The following SHOC1 variants were observed in gnomAD, a reference collection of about 807,000 sequenced individuals.
SHOC1 encodes the protein shortage in chiasmata 1, also known as protein shortage in chiasmata 1 ortholog.
A neutral mutation model predicts 179.2 loss-of-function variants in SHOC1; 136 were observed. That is an observed-to-expected ratio of 0.76 (90% confidence interval 0.66 to 0.87). SHOC1 has a LOEUF of 0.87. Ranked by LOEUF, SHOC1 falls within the 40% of genes least tolerant of loss-of-function variation. The pLI is 0.00. For synonymous variants in SHOC1, 489 were observed against 586.6 expected (o/e 0.83, Z 2.41); for missense variants, 1,538 against 1,700.8 (o/e 0.90, Z 1.68).
chr9:111,715,365 G>A (rs1474712799), intron 16 of SHOC1, among the ~76,000 whole-genome samples: 2 of 152,090 alleles, frequency 1.3e-5, no homozygotes, highest in African/African-American at 4.8e-5. Context: ...AAAATTTAAT[G>A]TCTATGTACA....
At chr9:111,751,127 T>C (rs1161811466) in intron 8 of SHOC1, among the ~76,000 whole-genome samples, 2 of 152,194 alleles carry the variant, frequency 1.3e-5, no homozygotes, top group Admixed American at 1.3e-4. Flanking sequence ...CTTGTTTTTG[T>C]CAGTTTTGTT....
At chr9:111,702,050 G>A in intron 23 of SHOC1, 55 bp downstream of exon 23, 3 of 1,286,874 alleles carry the variant, frequency 2.3e-6, no homozygotes, top group South Asian at 3.1e-5. Flanking sequence ...TCAAATAAGA[G>A]GACTTAGGAT....
chr9:111,694,986 A>G (rs547909856), intron 24 of SHOC1, among the ~76,000 whole-genome samples: 112 of 152,204 alleles, frequency 7.4e-4, no homozygotes, highest in African/African-American at 2.5e-3. Flanking sequence ...ATTTTTTCCC[A>G]TTAGCACAGT....
Position 111,700,058 on chromosome 9 carries a change from T to G in SHOC1, c.3090-11A>C. On this transcript the variant is annotated splice_polypyrimidine_tract_variant and intron_variant, in intron 23 of 27. Transcript: ENST00000682961. ...TCTGTAAGCAGATACCTACAAAGAA[T>G]TATATTACTATATTTCTATTCATTT... The G allele has an allele frequency of 7.8e-7, 1 of 1,278,652 alleles. No homozygotes were observed. The allele number at this position is 1,278,652 out of a possible 1,614,324, so 79.2% of individuals were successfully genotyped here.
At chr9:111,734,759 C>T (rs921014116) in intron 12 of SHOC1, among the ~76,000 whole-genome samples, 1 of 152,056 alleles carries the variant, frequency 6.6e-6, no homozygotes, top group Non-Finnish European at 1.5e-5. Context: ...TCCCAAGGAG[C>T]ACTTATACAT....
At chr9:111,699,931 A>G in intron 24 of SHOC1, 23 bp downstream of exon 24, 1 of 1,508,720 alleles carries the variant, frequency 6.6e-7, no homozygotes, top group South Asian at 1.2e-5. Flanking sequence ...ATACTTATGA[A>G]GAAACACATA....
intron 24 of SHOC1, among the ~76,000 whole-genome samples, chr9:111,694,621 CAG>C (rs759420935): frequency 1.3e-5 from 2 of 151,758 alleles, no homozygotes; most frequent in African/African-American, 4.8e-5. Context: ...CATTTATTAA[CAG>C]AGTCATTAAA....
At chr9:111,697,178 T>G (rs1395126803) in intron 24 of SHOC1, among the ~76,000 whole-genome samples, 1 of 150,434 alleles carries the variant, frequency 6.6e-6, no homozygotes. Flanking sequence ...TGGGGCAGGT[T>G]TCTTTTCTCT....
chr9:111,749,366 A>G (rs1703616510), intron 8 of SHOC1, among the ~76,000 whole-genome samples: 1 of 152,138 alleles, frequency 6.6e-6, no homozygotes, highest in Admixed American at 6.5e-5. Context: ...ACCAATTTAT[A>G]TTTACTCAAA....
At chr9:111,750,049 T>C (rs1387612824) in intron 8 of SHOC1, among the ~76,000 whole-genome samples, 3 of 152,184 alleles carry the variant, frequency 2.0e-5, no homozygotes, top group South Asian at 2.1e-4. Flanking sequence ...TACCCAGTAA[T>C]GGGATTGCTG....
At chr9:111,784,834 A>C (rs1411785962) in intron 3 of SHOC1, among the ~76,000 whole-genome samples, 1 of 152,154 alleles carries the variant, frequency 6.6e-6, no homozygotes, top group African/African-American at 2.4e-5. Context: ...AGAAAGGTCA[A>C]GGGAGCTCTT....
At chr9:111,732,103 C>T (rs1833600409) in intron 12 of SHOC1, among the ~76,000 whole-genome samples, 3 of 152,326 alleles carry the variant, frequency 2.0e-5, no homozygotes, top group Admixed American at 2.0e-4. Context: ...ATAACCACAA[C>T]ACACCCATTA....
chr9:111,775,735 G>T, intron 5 of SHOC1, 56 bp downstream of exon 5: 1 of 1,438,460 alleles, frequency 7.0e-7, no homozygotes, highest in South Asian at 1.4e-5. Flanking sequence ...TCACTGAAAA[G>T]AATATGTGTA....
intron 5 of SHOC1, among the ~76,000 whole-genome samples, chr9:111,769,973 CTGTTTTTTTTT>C (rs1445525542): frequency 1.2e-4 from 3 of 24,650 alleles, no homozygotes; most frequent in African/African-American, 3.1e-4. Flanking sequence ...GTTTTATCTT[CTGTTTTTTTTT>C]TGTTTTTTTT....
At chr9:111,686,939 C>CTTTTTTTTTTTTTT (rs10537471) in intron 27 of SHOC1, 69 bp from the exon 28 acceptor site, 2 of 498,932 alleles carry the variant, frequency 4.0e-6, no homozygotes, top group African/African-American at 2.2e-5. Flanking sequence ...TTTTCTTTTC[C>CTTTTTTTTTTTTTT]TTTTTTTTTT....
chr9:111,785,414 T>TA (rs5899969), intron 3 of SHOC1, among the ~76,000 whole-genome samples: 122,561 of 152,064 alleles, frequency 0.81, 49,572 homozygotes, highest in East Asian at 0.92. Context: ...GTCTTTTAAG[T>TA]ACTGTGTCCT....
intron 7 of SHOC1, among the ~76,000 whole-genome samples, chr9:111,757,122 T>C (rs1834898341): frequency 6.6e-6 from 1 of 152,156 alleles, no homozygotes; most frequent in South Asian, 2.1e-4. Flanking sequence ...TGTGTTTTGT[T>C]TTTGAGATGG....
intron 2 of SHOC1, among the ~76,000 whole-genome samples, chr9:111,788,011 T>C (rs914324725): frequency 5.3e-5 from 8 of 152,152 alleles, no homozygotes; most frequent in Non-Finnish European, 8.8e-5. Context: ...CCCATGGTTT[T>C]TTAAGACATA....
intron 11 of SHOC1, among the ~76,000 whole-genome samples, chr9:111,738,941 A>AT (rs1253105695): frequency 1.3e-5 from 2 of 152,028 alleles, no homozygotes; most frequent in Non-Finnish European, 2.9e-5. Flanking sequence ...TATGATGACT[A>AT]TATCATCTTA....
Sources: gnomAD v4.1 joint callset for allele counts (sites outside exome capture counted in the v4.1 genomes callset) on GRCh38, gnomAD v4.1.1 for gene constraint, MANE v1.5 for transcripts, NCBI Gene and HGNC (gene_info 2026-07-23, HGNC 2026-07-21) for gene names.